The following CCDC85A variants were observed in gnomAD, a reference collection of about 807,000 sequenced individuals.
CCDC85A encodes coiled-coil domain-containing protein 85A.
CCDC85A carries 38 observed loss-of-function variants against 50.2 expected under a neutral mutation model. That is an observed-to-expected ratio of 0.76 (90% CI 0.58 to 0.99). The LOEUF (loss-of-function observed/expected upper bound fraction) is 0.99. CCDC85A is among the 50% of genes least tolerant of loss of function. The pLI is 0.00. For synonymous variants in CCDC85A, 366 were observed against 301.4 expected (o/e 1.21, Z -2.22); for missense variants, 820 against 742.0 (o/e 1.11, Z -1.22).
At chr2:56,382,398 G>C (rs756302692) in intron 5 of CCDC85A, among the ~76,000 whole-genome samples, 2 of 151,936 alleles carry the variant, frequency 1.3e-5, no homozygotes, top group African/African-American at 4.8e-5. Flanking sequence ...TCTACACAGC[G>C]AAAAGGTTAT....
intron 1 of CCDC85A, among the ~76,000 whole-genome samples, chr2:56,186,836 G>T (rs1183379558): frequency 1.3e-5 from 2 of 152,152 alleles, no homozygotes; most frequent in Admixed American, 1.3e-4. Flanking sequence ...GTCAGCTAAA[G>T]GCCCGTACAC....
intron 3 of CCDC85A, among the ~76,000 whole-genome samples, chr2:56,353,743 A>G (rs781672167): frequency 1.3e-5 from 2 of 152,234 alleles, no homozygotes; most frequent in Non-Finnish European, 2.9e-5. Flanking sequence ...GAAGATCACT[A>G]AGCTGTCCTT....
intron 4 of CCDC85A, among the ~76,000 whole-genome samples, chr2:56,373,528 C>T (rs553752390): frequency 2.9e-4 from 44 of 152,140 alleles, no homozygotes; most frequent in East Asian, 9.7e-4. Context: ...ATGCCCTGAA[C>T]GATAGAGGCC....
chr2:56,302,876 A>G (rs1416547023), intron 2 of CCDC85A, among the ~76,000 whole-genome samples: 1 of 152,026 alleles, frequency 6.6e-6, no homozygotes, highest in Non-Finnish European at 1.5e-5. Context: ...CTTCTTTTTC[A>G]TCTCATTTGA....
intron 2 of CCDC85A, among the ~76,000 whole-genome samples, chr2:56,256,393 C>A (rs1364687280): frequency 1.3e-5 from 2 of 152,122 alleles, no homozygotes; most frequent in Admixed American, 1.3e-4. Context: ...CTTATTATTA[C>A]TATTTATTAA....
chr2:56,230,586 T>C (rs1005143511), intron 2 of CCDC85A, among the ~76,000 whole-genome samples: 2 of 152,238 alleles, frequency 1.3e-5, no homozygotes, highest in African/African-American at 4.8e-5. Flanking sequence ...CGTCTGCCCA[T>C]GGCTGATCCT....
intron 3 of CCDC85A, among the ~76,000 whole-genome samples, chr2:56,346,976 A>G (rs574158652): frequency 2.0e-5 from 3 of 152,350 alleles, no homozygotes; most frequent in South Asian, 2.1e-4. Context: ...GCTGCTGTCT[A>G]TGAGATTTCA....
At chr2:56,194,325 C>T (rs1342409905) in intron 2 of CCDC85A, among the ~76,000 whole-genome samples, 2 of 152,164 alleles carry the variant, frequency 1.3e-5, no homozygotes, top group African/African-American at 4.8e-5. Flanking sequence ...TCTGAAACCA[C>T]TTTGCACTTG....
At chr2:56,257,313 T>G (rs905042173) in intron 2 of CCDC85A, among the ~76,000 whole-genome samples, 1 of 151,384 alleles carries the variant, frequency 6.6e-6, no homozygotes, top group East Asian at 1.9e-4. Flanking sequence ...ACTGTAGGAG[T>G]TCAAAGAATG....
At chr2:56,379,100 G>T (rs554749223) in intron 5 of CCDC85A, among the ~76,000 whole-genome samples, 1 of 152,080 alleles carries the variant, frequency 6.6e-6, no homozygotes, top group Non-Finnish European at 1.5e-5. Context: ...TGTTTAAAAG[G>T]CATTTTATTC....
intron 3 of CCDC85A, among the ~76,000 whole-genome samples, chr2:56,352,200 A>G (rs1014676436): frequency 6.6e-5 from 10 of 152,204 alleles, no homozygotes; most frequent in African/African-American, 2.4e-4. Flanking sequence ...TCCTTTACAT[A>G]TAAAGTAGAC....
chr2:56,328,092 A>T (rs1673568480), intron 2 of CCDC85A, among the ~76,000 whole-genome samples: 1 of 152,110 alleles, frequency 6.6e-6, no homozygotes. Context: ...AGGAAGTCTA[A>T]CAGAACCCAC....
At chr2:56,210,522 A>T (rs1677139274) in intron 2 of CCDC85A, among the ~76,000 whole-genome samples, 1 of 152,046 alleles carries the variant, frequency 6.6e-6, no homozygotes, top group Non-Finnish European at 1.5e-5. Flanking sequence ...AAGGCATAGT[A>T]GGGATGGTTT....
At position 56,193,136 on chromosome 2, in the gene CCDC85A, G is replaced by A. The variant is rs1249746805; in HGVS notation, c.936G>A (p.Gly312=). The change falls in exon 2 of 6, where the codon GGG becomes GGA. Residue 312 remains glycine, a synonymous_variant. Transcript: ENST00000407595. The part of the protein sequence containing the change: ...PETLPKHVLS[G]SPEHFQKHRS... ...CGCTGCCCAAGCACGTGCTGAGTGG[G>A]AGCCCGGAACACTTCCAGAAGCACC... 2.2e-5 allele frequency: 35 copies of A among 1,612,246 alleles called. No homozygotes were observed. The highest frequency in any genetic ancestry group is 2.9e-5 in the Non-Finnish European group (34 of 1,178,834).
chr2:56,334,107 C>T (rs549139098), intron 2 of CCDC85A, among the ~76,000 whole-genome samples: 12 of 152,324 alleles, frequency 7.9e-5, no homozygotes, highest in African/African-American at 2.6e-4. Flanking sequence ...TAGCTGTCTT[C>T]CCCAAATCTC....
intron 3 of CCDC85A, among the ~76,000 whole-genome samples, chr2:56,354,568 G>C (rs2104352464): frequency 6.6e-6 from 1 of 152,274 alleles, no homozygotes; most frequent in South Asian, 2.1e-4. Flanking sequence ...AGAATTGTAG[G>C]AGGCACACAG....
chr2:56,185,052 G>T (rs993516614), intron 1 of CCDC85A, 152 bp downstream of exon 1: 19 of 972,584 alleles, frequency 2.0e-5, no homozygotes, highest in Admixed American at 1.0e-4. Flanking sequence ...CCCAGCCCCT[G>T]TGTAACTTTT....
rs527834193 is a variant in CCDC85A, at chr2:56,248,384, G to A, written c.1240+54944G>A. 2.3e-4 allele frequency among the ~76,000 whole-genome samples: 35 copies of A among 152,232 alleles called. 1 individual carries two copies. Among genetic ancestry groups the A allele is most frequent in the Admixed American group, 1.7e-3 (26 of 15,288 alleles). ...GGAGCGGTGTACTCAGATGCTCCTT[G>A]TACCAGTATGGCCTGCCCTCACAGA... On this transcript the variant is annotated intron_variant, in intron 2 of 5. Coordinates refer to ENST00000407595, the MANE Select transcript of CCDC85A (RefSeq NM_001080433.2).
At chr2:56,379,354 C>G (rs1375295468) in intron 5 of CCDC85A, among the ~76,000 whole-genome samples, 1 of 152,136 alleles carries the variant, frequency 6.6e-6, no homozygotes, top group South Asian at 2.1e-4. Context: ...GCCATGTCTA[C>G]ATATCATTTG....
Sources: allele counts gnomAD v4.1 joint callset (sites outside exome capture counted in the v4.1 genomes callset), GRCh38; gene constraint gnomAD v4.1.1; transcripts MANE v1.5; gene names NCBI Gene and HGNC (gene_info 2026-07-23, HGNC 2026-07-21).